LGR6: variants seen among roughly 807,000 people sequenced by gnomAD.
The protein encoded by LGR6 is leucine-rich repeat-containing G protein-coupled receptor 6.
In LGR6, 45 loss-of-function variants were observed where a neutral mutation model predicts 69.4. The observed-to-expected ratio is 0.65, with a 90% CI of 0.51 to 0.83. LGR6 has a LOEUF of 0.83. Ranked by LOEUF, LGR6 falls within the 40% of genes least tolerant of loss-of-function variation. LGR6 has a pLI of 0.00. For synonymous variants in LGR6, 538 were observed against 555.0 expected (o/e 0.97, Z 0.43); for missense variants, 1,108 against 1,246.7 (o/e 0.89, Z 1.68).
chr1:202,279,641 C>T (rs978844170), intron 5 of LGR6, among the ~76,000 whole-genome samples: 2 of 152,222 alleles, frequency 1.3e-5, no homozygotes, highest in African/African-American at 4.8e-5. Flanking sequence ...TCTTTGAATA[C>T]ATCTTCAGTC....
At chr1:202,255,902 A>C (rs1038024201) in intron 4 of LGR6, among the ~76,000 whole-genome samples, 1 of 152,274 alleles carries the variant, frequency 6.6e-6, no homozygotes, top group Non-Finnish European at 1.5e-5. Context: ...TAATTTACAC[A>C]GCATAAAGTT....
chr1:202,212,712 A>G (rs902501382), intron 1 of LGR6, among the ~76,000 whole-genome samples: 2 of 152,138 alleles, frequency 1.3e-5, no homozygotes, highest in Admixed American at 1.3e-4. Flanking sequence ...TCATCTCAAG[A>G]TCTCTTACTT....
intron 11 of LGR6, 138 bp from the exon 12 acceptor site, chr1:202,305,546 C>T (rs980054748): frequency 4.3e-6 from 3 of 704,672 alleles, no homozygotes; most frequent in African/African-American, 3.6e-5. Flanking sequence ...GATGCCTCAA[C>T]AGCCATGTCC....
Position 202,318,194 on chromosome 1 carries a change from G to A in LGR6, c.1891G>A (p.Glu631Lys). ...TGCCCTGACCTTTGGTCAGTTCTCT[G>A]AGTACGGAGCCCGCTGGGAGACGGG... is the stretch of plus-strand genomic sequence containing the variant. The part of the protein sequence containing the change: ...VDALTFGQFS[E>K]YGARWETGLG... The change falls in exon 18 of 18, where the codon GAG (glutamate) becomes AAG (lysine). Residue 631 changes from glutamate (E) to lysine (K), a missense_variant. By Grantham distance (56) the Glu-to-Lys change is moderately conservative (BLOSUM62 1). Transcript: ENST00000367278. 6.2e-7 allele frequency: 1 copy of A among 1,613,280 alleles called. No individual in the cohort carries two copies. Among genetic ancestry groups the A allele is most frequent in the African/African-American group, 1.3e-5 (1 of 75,076 alleles).
At chr1:202,202,448 A>G (rs1658870502) in intron 1 of LGR6, among the ~76,000 whole-genome samples, 1 of 152,162 alleles carries the variant, frequency 6.6e-6, no homozygotes, top group South Asian at 2.1e-4. Flanking sequence ...CTGGGCACAC[A>G]CCTGGAAGCG....
At chr1:202,276,586 C>A in intron 5 of LGR6, 65 bp downstream of exon 5, 1 of 1,347,588 alleles carries the variant, frequency 7.4e-7, no homozygotes, top group Non-Finnish European at 1.0e-6. Flanking sequence ...TGCATGTTTA[C>A]TTGAGTTGGA....
chr1:202,197,818 C>T (rs1658698309), intron 1 of LGR6, among the ~76,000 whole-genome samples: 1 of 152,174 alleles, frequency 6.6e-6, no homozygotes, highest in Admixed American at 6.5e-5. Flanking sequence ...CAGACAATCC[C>T]CGGAGTTGTT....
At chr1:202,194,605 G>T in intron 1 of LGR6, 1 of 544,864 alleles carries the variant, frequency 1.8e-6, no homozygotes. Flanking sequence ...AGGTGGAGGT[G>T]AGGGGAGCGT....
intron 4 of LGR6, among the ~76,000 whole-genome samples, chr1:202,239,615 G>C (rs1357701648): frequency 1.3e-5 from 2 of 152,126 alleles, no homozygotes; most frequent in Non-Finnish European, 2.9e-5. Flanking sequence ...GGAAGTCAGT[G>C]AAGAGGCTCC....
chr1:202,298,736 G>A (rs1667357888), intron 7 of LGR6: 1 of 151,826 alleles, frequency 6.6e-6, no homozygotes, highest in Non-Finnish European at 1.5e-5. Flanking sequence ...TGGCCAGGAT[G>A]GTCTCTATCT....
At chr1:202,267,965 G>A (rs1317587217) in intron 4 of LGR6, among the ~76,000 whole-genome samples, 1 of 152,202 alleles carries the variant, frequency 6.6e-6, no homozygotes, top group African/African-American at 2.4e-5. Flanking sequence ...TGTGGGGGCA[G>A]TAGGGCTTTA....
At chr1:202,205,442 T>G (rs62650684) in intron 1 of LGR6, among the ~76,000 whole-genome samples, 1 of 4,490 alleles carries the variant, frequency 2.2e-4, no homozygotes, top group Non-Finnish European at 4.5e-4. Flanking sequence ...CACACCTCCT[T>G]CAAACACACA....
At chr1:202,282,763 A>G (rs1041016785) in intron 6 of LGR6, among the ~76,000 whole-genome samples, 2 of 152,330 alleles carry the variant, frequency 1.3e-5, no homozygotes, top group South Asian at 4.1e-4. Flanking sequence ...TTCTTTCTCA[A>G]TTAGCCACTG....
intron 1 of LGR6, among the ~76,000 whole-genome samples, chr1:202,208,896 C>A (rs1323087156): frequency 6.6e-6 from 1 of 152,102 alleles, no homozygotes; most frequent in African/African-American, 2.4e-5. Context: ...GAGCAAATGG[C>A]CCTAGAGCCA....
chr1:202,259,453 C>G (rs558261273), intron 4 of LGR6, among the ~76,000 whole-genome samples: 2 of 152,186 alleles, frequency 1.3e-5, no homozygotes, highest in East Asian at 3.9e-4. Flanking sequence ...AGTGTTTGAT[C>G]TCTTTGGTTT....
intron 17 of LGR6, among the ~76,000 whole-genome samples, chr1:202,316,389 T>C (rs982539650): frequency 1.3e-5 from 2 of 152,192 alleles, no homozygotes; most frequent in Non-Finnish European, 2.9e-5. Flanking sequence ...TTCCCTGGAT[T>C]GATTGAGAAC....
intron 4 of LGR6, among the ~76,000 whole-genome samples, chr1:202,248,698 G>A (rs1471690028): frequency 6.6e-6 from 1 of 152,218 alleles, no homozygotes; most frequent in Non-Finnish European, 1.5e-5. Context: ...GGCCCTGGCA[G>A]CCCACAGAGA....
At chr1:202,222,885 T>C (rs1660262679) in intron 1 of LGR6, among the ~76,000 whole-genome samples, 1 of 152,136 alleles carries the variant, frequency 6.6e-6, no homozygotes, top group Admixed American at 6.5e-5. Context: ...GGAGGATCAC[T>C]TGAGGTCAGG....
chr1:202,213,058 G>C (rs1659522864), intron 1 of LGR6, among the ~76,000 whole-genome samples: 1 of 152,198 alleles, frequency 6.6e-6, no homozygotes, highest in Non-Finnish European at 1.5e-5. Context: ...GAAGTTTCCT[G>C]AGGGCAGGGA....
Sources: gnomAD v4.1 joint callset for allele counts (sites outside exome capture counted in the v4.1 genomes callset) on GRCh38, gnomAD v4.1.1 for gene constraint, MANE v1.5 for transcripts, NCBI Gene and HGNC (gene_info 2026-07-23, HGNC 2026-07-21) for gene names.